The following COL4A5 variants were observed in gnomAD, a reference collection of about 807,000 sequenced individuals.
The protein encoded by COL4A5 is collagen alpha-5(IV) chain.
In COL4A5, 26 loss-of-function variants were observed where a neutral mutation model predicts 130.2. The observed-to-expected ratio is 0.20, with a 90% CI of 0.15 to 0.28. COL4A5 has a LOEUF of 0.28. Among genes scored for constraint, COL4A5 ranks in the 10% least tolerant of loss-of-function variants. The probability of loss-of-function intolerance (pLI) is 1.00; values close to 1 mark genes in which losing one functional copy is unlikely to be tolerated. For missense variants in COL4A5, 1,131 were observed against 1,344.3 expected (o/e 0.84, Z 2.48); for synonymous variants, 496 against 439.6 (o/e 1.13, Z -1.60).
At chrX:108,653,783 C>A (rs1184808813) in intron 36 of COL4A5, among the ~76,000 whole-genome samples, 1 of 110,764 alleles carries the variant, frequency 9.0e-6, no homozygotes, top group African/African-American at 3.3e-5. Flanking sequence ...CAAAAAGAAT[C>A]ATGATAGTTT....
chrX:108,527,893 T>C (rs753939536), intron 1 of COL4A5, among the ~76,000 whole-genome samples: 332 of 111,828 alleles, frequency 3.0e-3, no homozygotes, highest in African/African-American at 0.01. Flanking sequence ...ACCCAGCCCA[T>C]TGCAGCTACT....
intron 1 of COL4A5, among the ~76,000 whole-genome samples, chrX:108,519,007 T>C (rs1410615219): frequency 8.9e-5 from 10 of 111,940 alleles, no homozygotes. Context: ...GGCTCTGTCA[T>C]TGGCTCTCTA....
intron 1 of COL4A5, among the ~76,000 whole-genome samples, chrX:108,450,983 A>G (rs2064504628): frequency 9.4e-6 from 1 of 106,752 alleles, no homozygotes; most frequent in African/African-American, 3.4e-5. Flanking sequence ...TCCTAATGCT[A>G]TCCCTCCCCA....
intron 33 of COL4A5, among the ~76,000 whole-genome samples, chrX:108,623,639 T>G (rs918036595): frequency 3.6e-5 from 4 of 111,836 alleles, no homozygotes; most frequent in Non-Finnish European, 7.5e-5. Flanking sequence ...GTACGTTCTA[T>G]CCATCAATAT....
chrX:108,646,422 G>A (rs2067590291), intron 36 of COL4A5, among the ~76,000 whole-genome samples: 1 of 111,276 alleles, frequency 9.0e-6, no homozygotes, highest in South Asian at 3.8e-4. Flanking sequence ...CTTTTTGATG[G>A]GGTTGTTTGT....
At chrX:108,539,300 T>C (rs1425351568) in intron 1 of COL4A5, among the ~76,000 whole-genome samples, 1 of 112,071 alleles carries the variant, frequency 8.9e-6, no homozygotes, top group Admixed American at 9.5e-5. Context: ...TCAACACTCA[T>C]GCATTAATGA....
intron 1 of COL4A5, among the ~76,000 whole-genome samples, chrX:108,479,851 G>A (rs962290761): frequency 2.7e-5 from 3 of 111,617 alleles, no homozygotes; most frequent in African/African-American, 6.5e-5. Context: ...TTCAGTTTCC[G>A]CCAAAGCCCA....
intron 49 of COL4A5, among the ~76,000 whole-genome samples, chrX:108,691,693 C>T (rs1569508809): frequency 9.0e-6 from 1 of 111,148 alleles, no homozygotes. Flanking sequence ...TAGGAAAAAA[C>T]TGTGTGAGAA....
At position 108,687,682 on chromosome X, in the gene COL4A5, G is replaced by A. The variant is rs750993623; in HGVS notation, c.4516G>A (p.Gly1506Ser). ...LYVQGNKRAHGQDLGTAGSCL... is the reference protein window; with the variant it reads ...LYVQGNKRAHSQDLGTAGSCL... ...TGTACAAGGAAATAAAAGAGCCCAC[G>A]GTCAAGACTTGGGTGAGATAATCAA... The change falls in exon 49 of 53, where the codon GGT becomes AGT. Residue 1506 changes from glycine (G) to serine (S), a missense_variant. Transcript: ENST00000328300. The A allele has an allele frequency of 1.5e-5, 18 of 1,204,917 alleles. No homozygotes were observed. The highest frequency in any genetic ancestry group is 3.5e-5 in the African/African-American group (2 of 56,982).
intron 1 of COL4A5, among the ~76,000 whole-genome samples, chrX:108,524,317 C>A (rs1484362234): frequency 1.2e-4 from 13 of 109,659 alleles, no homozygotes; most frequent in African/African-American, 4.3e-4. Context: ...TTTGTAGATG[C>A]CCTTATCAAG....
rs200371339 is a variant in COL4A5, at chrX:108,606,827, G to A, written c.2330G>A (p.Arg777His). ...GGAGCACTTGGTCCAAAAGGTGATC[G>A]TGGTTTCCCAGGACCTCCGGGTCCT... The part of the protein sequence containing the change: ...FKGALGPKGD[R>H]GFPGPPGPPG... The change falls in exon 29 of 53, where the codon CGT becomes CAT. Residue 777 changes from arginine to histidine, a missense_variant. By Grantham distance (29) the Arg-to-His change is conservative. Transcript: ENST00000328300. The A allele has an allele frequency of 6.6e-6, 8 of 1,209,625 alleles. No individual in the cohort carries two copies. Among genetic ancestry groups the A allele is most frequent in the South Asian group, 5.3e-5 (3 of 56,817 alleles).
intron 30 of COL4A5, among the ~76,000 whole-genome samples, chrX:108,618,077 T>G (rs2066967099): frequency 9.0e-6 from 1 of 111,460 alleles, no homozygotes; most frequent in Non-Finnish European, 1.9e-5. Context: ...CTGGTTCCAT[T>G]CGGCTGCCAA....
At chrX:108,588,063 T>C (rs2066366123) in intron 19 of COL4A5, among the ~76,000 whole-genome samples, 1 of 111,103 alleles carries the variant, frequency 9.0e-6, no homozygotes, top group South Asian at 3.8e-4. Context: ...TTTTATATTA[T>C]TCCCTTTGAA....
intron 1 of COL4A5, among the ~76,000 whole-genome samples, chrX:108,533,290 T>C (rs1231199168): frequency 8.9e-6 from 1 of 111,840 alleles, no homozygotes; most frequent in Non-Finnish European, 1.9e-5. Flanking sequence ...AAGGTAATCC[T>C]CTTCATTAAA....
At chrX:108,642,219 G>A (rs1009964914) in intron 36 of COL4A5, among the ~76,000 whole-genome samples, 1 of 110,516 alleles carries the variant, frequency 9.0e-6, no homozygotes, top group African/African-American at 3.3e-5. Context: ...ATCCCCCACA[G>A]CAGCCACAAT....
intron 1 of COL4A5, among the ~76,000 whole-genome samples, chrX:108,483,203 A>ATGTG (rs778401670): frequency 0.075 from 7,423 of 99,240 alleles, 704 homozygotes; most frequent in African/African-American, 0.25. Context: ...CTAATAGGAT[A>ATGTG]TGTGTGTGTG....
intron 21 of COL4A5, among the ~76,000 whole-genome samples, chrX:108,592,300 A>G (rs2066450193): frequency 9.1e-6 from 1 of 110,329 alleles, no homozygotes; most frequent in Non-Finnish European, 1.9e-5. Flanking sequence ...AATAGATTCC[A>G]TTTCCTCTTA....
In COL4A5 at chrX:108,626,977, G is replaced by C. The variant is rs992484178; in HGVS notation, c.3246+628G>C. On this transcript the variant is annotated intron_variant, in intron 36 of 52. Coordinates refer to ENST00000328300, the MANE Select transcript of COL4A5 (RefSeq NM_033380.3). ...ACAGACCTAAAAAGTATTAGAAAAG[G>C]AATTTTGGTACTCAGTTTTCATGGA... The C allele has an allele frequency of 1.8e-5, 13 of 742,676 alleles. No individual in the cohort carries two copies. The African/African-American group carries it at 2.6e-4, about 15-fold the overall frequency. 61.2% of individuals were successfully genotyped at this position (742,676 alleles called of 1,213,427 possible).
At chrX:108,612,000 A>G (rs1442779197) in intron 29 of COL4A5, among the ~76,000 whole-genome samples, 2 of 111,739 alleles carry the variant, frequency 1.8e-5, no homozygotes, top group Non-Finnish European at 3.8e-5. Flanking sequence ...TTGACATTTT[A>G]AAATCAATGT....
Sources: gnomAD v4.1 joint callset for allele counts (sites outside exome capture counted in the v4.1 genomes callset) on GRCh38, gnomAD v4.1.1 for gene constraint, MANE v1.5 for transcripts, NCBI Gene and HGNC (gene_info 2026-07-23, HGNC 2026-07-21) for gene names.